PKIG: variants seen among roughly 807,000 people sequenced by gnomAD.
PKIG encodes the protein cAMP-dependent protein kinase inhibitor gamma.
PKIG carries 1 observed loss-of-function variant against 6.8 expected under a neutral mutation model. The ratio of observed to expected loss-of-function variants is 0.15; its 90% CI spans 0.05 to 0.69. The LOEUF is 0.69. PKIG is among the 30% of genes least tolerant of loss of function. PKIG has a pLI of 0.82. For synonymous variants in PKIG, 39 were observed against 43.0 expected (o/e 0.91, Z 0.36); for missense variants, 77 against 104.0 (o/e 0.74, Z 1.13).
At chr20:44,542,611 G>T (rs907064804) in intron 1 of PKIG, among the ~76,000 whole-genome samples, 1 of 151,628 alleles carries the variant, frequency 6.6e-6, no homozygotes, top group African/African-American at 2.4e-5. Flanking sequence ...TTTCGAGATG[G>T]AGTCTAGCTC....
intron 1 of PKIG, among the ~76,000 whole-genome samples, chr20:44,566,558 A>T (rs1466686163): frequency 2.0e-5 from 3 of 152,154 alleles, no homozygotes; most frequent in African/African-American, 7.2e-5. Flanking sequence ...AAAGTATGCT[A>T]GTCCCAGCTG....
chr20:44,614,657 G>A lies in PKIG; in HGVS notation c.101G>A (p.Ser34Asn), dbSNP rs754580807. 2.5e-6 allele frequency: 4 copies of A among 1,614,078 alleles called. No homozygotes were observed. The highest frequency in any genetic ancestry group is 2.2e-5 in the East Asian group (1 of 44,876). ...ATCCAGGGAGACTCAGAGGCTGTGAGCGTGAGGAAGCTGGCTGGAGACATG... is the reference window on the plus strand; with the variant it reads ...ATCCAGGGAGACTCAGAGGCTGTGAACGTGAGGAAGCTGGCTGGAGACATG... Reference protein sequence around the residue: ...PDIQGDSEAVSVRKLAGDMGE... With the variant: ...PDIQGDSEAVNVRKLAGDMGE... Residue 34 changes from serine (S) to asparagine (N), a missense_variant, in exon 3 of 4, where the codon AGC becomes AAC. Physicochemically the swap from Ser to Asn is conservative, Grantham distance 46. Coordinates refer to ENST00000372886, the MANE Select transcript of PKIG (RefSeq NM_001281445.2). This position sits in a 1 kb window ranked among gnomAD's most constrained non-coding sequence, Gnocchi z 4.6.
At chr20:44,607,785 C>T (rs1028066229) in intron 2 of PKIG, among the ~76,000 whole-genome samples, 20 of 148,754 alleles carry the variant, frequency 1.3e-4, no homozygotes, top group African/African-American at 2.5e-4. Context: ...CCTGGGTTCA[C>T]GCCATTCTCC....
At chr20:44,548,443 TC>T (rs1168016087) in intron 1 of PKIG, among the ~76,000 whole-genome samples, 1 of 152,214 alleles carries the variant, frequency 6.6e-6, no homozygotes, top group African/African-American at 2.4e-5. Context: ...AGGCTTTGTT[TC>T]CGTTTGCAAA....
chr20:44,587,784 A>G (rs1326685098), intron 1 of PKIG, among the ~76,000 whole-genome samples: 1 of 152,012 alleles, frequency 6.6e-6, no homozygotes, highest in African/African-American at 2.4e-5. Context: ...TCTAATTTTA[A>G]TTTCTCCCTG....
chr20:44,558,574 T>TTTTCTTTCTTTC (rs11377687), intron 1 of PKIG, among the ~76,000 whole-genome samples: 9,145 of 131,866 alleles, frequency 0.069, 458 homozygotes, highest in African/African-American at 0.12. Flanking sequence ...TTTTTTTCTT[T>TTTTCTTTCTTTC]TTTCTTTCTT....
At chr20:44,598,752 C>G (rs75161573) in intron 2 of PKIG, 2 of 152,196 alleles carry the variant, frequency 1.3e-5, no homozygotes, top group Non-Finnish European at 2.9e-5. Flanking sequence ...CTGGACTGTT[C>G]CGCAGCTTTC....
At chr20:44,584,003 G>T (rs2064969229) in intron 1 of PKIG, among the ~76,000 whole-genome samples, 1 of 152,062 alleles carries the variant, frequency 6.6e-6, no homozygotes, top group Non-Finnish European at 1.5e-5. Context: ...ATGTGCACAC[G>T]CATACACTAG....
At chr20:44,607,233 G>C (rs768347865) in intron 2 of PKIG, among the ~76,000 whole-genome samples, 2 of 151,850 alleles carry the variant, frequency 1.3e-5, no homozygotes, top group Non-Finnish European at 2.9e-5. Context: ...GAACAATTTA[G>C]TTATTACTTT....
chr20:44,561,878 A>G (rs1216038107), intron 1 of PKIG, among the ~76,000 whole-genome samples: 1 of 152,266 alleles, frequency 6.6e-6, no homozygotes, highest in African/African-American at 2.4e-5. Flanking sequence ...GAATTTGCAG[A>G]TTCAAAAGTG....
rs180759906 is a variant in PKIG at position 44,542,228 on chromosome 20, G to A, written c.-241+10250G>A. Among the ~76,000 whole-genome samples the A allele has an allele frequency of 2.0e-3, 308 of 152,218 alleles. 2 individuals carry two copies. Among genetic ancestry groups the A allele is most frequent in the Middle Eastern group, 3.4e-3 (1 of 294 alleles). ...TTCAGGGAGATCAGGGTAACCTTGG[G>A]CAAGGTCTCTGAGTCTAGGTTCCCT... On this transcript the variant is annotated intron_variant, in intron 1 of 4. Transcript: ENST00000372887.
intron 1 of PKIG, among the ~76,000 whole-genome samples, chr20:44,565,809 C>T (rs569096321): frequency 6.6e-6 from 1 of 152,332 alleles, no homozygotes; most frequent in Admixed American, 6.5e-5. Context: ...GTCGCCCAGG[C>T]TGGAGTGCAG....
At chr20:44,541,917 G>T (rs930367770) in intron 1 of PKIG, among the ~76,000 whole-genome samples, 1 of 152,016 alleles carries the variant, frequency 6.6e-6, no homozygotes, top group Non-Finnish European at 1.5e-5. Flanking sequence ...TTGAACTCTT[G>T]ACCTCAAATG....
At chr20:44,608,433 C>T (rs1004497654) in intron 2 of PKIG, among the ~76,000 whole-genome samples, 2 of 152,126 alleles carry the variant, frequency 1.3e-5, no homozygotes, top group Non-Finnish European at 2.9e-5. Context: ...ATTAATAATT[C>T]TCCATTGTCC....
chr20:44,568,092 G>T (rs1302372910), intron 1 of PKIG, among the ~76,000 whole-genome samples: 1 of 152,158 alleles, frequency 6.6e-6, no homozygotes, highest in Non-Finnish European at 1.5e-5. Context: ...GCTGCACCAT[G>T]ATCATGCCAC....
At chr20:44,542,083 A>G (rs924691243) in intron 1 of PKIG, among the ~76,000 whole-genome samples, 1 of 152,200 alleles carries the variant, frequency 6.6e-6, no homozygotes, top group East Asian at 1.9e-4. Context: ...CGGGGAGGCT[A>G]ATAACTTACG....
intron 2 of PKIG, among the ~76,000 whole-genome samples, chr20:44,594,522 G>A (rs2123401062): frequency 6.6e-6 from 1 of 152,280 alleles, no homozygotes; most frequent in South Asian, 2.1e-4. Context: ...AAGGGTTGGG[G>A]GTTGATATCT....
chr20:44,594,632 G>C (rs186491337), intron 2 of PKIG, among the ~76,000 whole-genome samples: 2 of 152,288 alleles, frequency 1.3e-5, no homozygotes, highest in East Asian at 1.9e-4. Context: ...TACAGGCTCT[G>C]ACCCATAGCT....
Position 44,618,496 on chromosome 20 carries a change from C to T in PKIG, c.*132C>T, listed in dbSNP as rs529048881. ...TAAACCAGGCCAGACTGAGAAGGCT[C>T]CCCAGAGGCCTCTGTGGCCTCCACT... On this transcript the variant is annotated 3_prime_UTR_variant, in exon 4 of 4. Coordinates refer to ENST00000372886, the MANE Select transcript of PKIG (RefSeq NM_001281445.2). 10 of 679,894 alleles carry T rather than the reference C, an allele frequency of 1.5e-5. No homozygotes were observed. The Admixed American group carries it at 2.3e-4, about 16-fold the overall frequency. 42.1% of individuals were successfully genotyped at this position (679,894 alleles called of 1,614,324 possible). A position where few individuals can be genotyped will look rare whatever the true frequency, so the allele number is the denominator to read the frequency against.
Sources: allele counts gnomAD v4.1 joint callset (sites outside exome capture counted in the v4.1 genomes callset), GRCh38; gene constraint gnomAD v4.1.1; non-coding constraint Gnocchi (gnomAD v3.1); transcripts MANE v1.5; gene names NCBI Gene and HGNC (gene_info 2026-07-23, HGNC 2026-07-21).